SLC25A13: variants seen among roughly 807,000 people sequenced by gnomAD.
The protein encoded by SLC25A13 is electrogenic aspartate/glutamate antiporter SLC25A13, mitochondrial.
SLC25A13 carries 70 observed loss-of-function variants against 85.5 expected under a neutral mutation model. The ratio of observed to expected loss-of-function variants is 0.82; its 90% CI spans 0.68 to 1.00. SLC25A13 has a LOEUF of 1.00. SLC25A13 is among the 50% of genes least tolerant of loss of function. SLC25A13 has a pLI of 0.00. For missense variants in SLC25A13, 765 were observed against 819.8 expected, an observed-to-expected ratio of 0.93 and a Z score of 0.82; for synonymous variants, 259 against 288.7, an observed-to-expected ratio of 0.90 and a Z score of 1.04.
At chr7:96,214,198 C>A (rs1795801227) in intron 4 of SLC25A13, among the ~76,000 whole-genome samples, 1 of 152,076 alleles carries the variant, frequency 6.6e-6, no homozygotes, top group Non-Finnish European at 1.5e-5. Context: ...AAAAAGTCAA[C>A]CTATTTCTCC....
At chr7:96,168,803 C>T (rs905184437) in intron 13 of SLC25A13, among the ~76,000 whole-genome samples, 1 of 152,100 alleles carries the variant, frequency 6.6e-6, no homozygotes, top group Non-Finnish European at 1.5e-5. Context: ...CCTGCAACAA[C>T]CTGAAGGACT....
intron 1 of SLC25A13, among the ~76,000 whole-genome samples, chr7:96,298,241 C>A (rs1347644910): frequency 6.6e-6 from 1 of 152,166 alleles, no homozygotes; most frequent in East Asian, 1.9e-4. Flanking sequence ...AGTTCTCTGT[C>A]TCTAAATATG....
chr7:96,279,142 C>T (rs775336829), intron 2 of SLC25A13, among the ~76,000 whole-genome samples: 1 of 152,174 alleles, frequency 6.6e-6, no homozygotes, highest in Non-Finnish European at 1.5e-5. Flanking sequence ...CTTATTATCA[C>T]ACTGCTCTCC....
chr7:96,184,481 C>A, intron 10 of SLC25A13, 46 bp from the exon 11 acceptor site: 1 of 1,577,446 alleles, frequency 6.3e-7, no homozygotes, highest in South Asian at 1.1e-5. Context: ...TAAGATAGGT[C>A]AGAAGAAAGA....
In SLC25A13 at chr7:96,163,616, T is replaced by A. The variant is rs892072145; in HGVS notation, c.1311+6429A>T. ...AATGATGGAGAAACACTGAGATCAT[T>A]CCTGTTAGGAGGAAAGCCTTGGAAC... is the stretch of plus-strand genomic sequence containing the variant. On this transcript the variant is annotated intron_variant, in intron 13 of 17. Coordinates refer to ENST00000265631, the MANE Select transcript of SLC25A13 (RefSeq NM_014251.3). Among the ~76,000 whole-genome samples, 3 of 152,190 alleles carry A rather than the reference T, an allele frequency of 2.0e-5. No individual in the cohort carries two copies. The South Asian group carries it at 6.2e-4, about 31-fold the overall frequency.
intron 3 of SLC25A13, among the ~76,000 whole-genome samples, chr7:96,249,595 C>G (rs966947043): frequency 1.3e-5 from 2 of 152,182 alleles, no homozygotes; most frequent in Non-Finnish European, 2.9e-5. Flanking sequence ...CCATTCTATG[C>G]CATCCTATCT....
chr7:96,230,409 G>C (rs957530554), intron 4 of SLC25A13, among the ~76,000 whole-genome samples: 1 of 152,210 alleles, frequency 6.6e-6, no homozygotes, highest in African/African-American at 2.4e-5. Flanking sequence ...AGATGTAAAA[G>C]TTCAGAAAGA....
In SLC25A13 at chr7:96,191,211, A is replaced by G. The variant is rs748471758; in HGVS notation, c.652T>C (p.Ser218Pro). 1 of 1,614,094 alleles carries G rather than the reference A, an allele frequency of 6.2e-7. No individual in the cohort carries two copies. The highest frequency in any genetic ancestry group is 1.3e-5 in the African/African-American group (1 of 75,044). ...GGTTSHQVSF[S>P]YFNGFNSLLN... Reference sequence around the variant, plus strand: ...AGCGAATTAAATCCATTAAAATAGGAGAAACTAACTTGATGGGATGTGGTA... The same window carrying G: ...AGCGAATTAAATCCATTAAAATAGGGGAAACTAACTTGATGGGATGTGGTA... Residue 218 changes from serine to proline, a missense_variant, in exon 7 of 18, where the codon TCC becomes CCC. Ser to Pro is a moderately conservative substitution (Grantham distance 74, BLOSUM62 -1). Transcript: ENST00000265631.
intron 13 of SLC25A13, among the ~76,000 whole-genome samples, chr7:96,147,986 AT>A (rs1465783654): frequency 6.6e-6 from 1 of 151,616 alleles, no homozygotes; most frequent in Non-Finnish European, 1.5e-5. Context: ...TGTGACTTCC[AT>A]AAAGAAAAAT....
Position 96,317,640 on chromosome 7 carries a change from T to C in SLC25A13, c.15+4302A>G, listed in dbSNP as rs1235036448. The stretch of plus-strand genomic sequence containing the variant: ...AAGACTTCCCTCATCTCCTCAGAAA[T>C]GGGCTCTTCTCCTACTGCTCCCACA... On this transcript the variant is annotated intron_variant, in intron 1 of 17. Transcript: ENST00000265631. Among the ~76,000 whole-genome samples, 9 of 152,006 alleles carry C rather than the reference T, an allele frequency of 5.9e-5. No individual in the cohort carries two copies. In the East Asian group the frequency reaches 1.7e-3, roughly 29 times the overall value.
intron 13 of SLC25A13, among the ~76,000 whole-genome samples, chr7:96,150,644 G>C (rs1168510539): frequency 1.3e-5 from 2 of 152,038 alleles, no homozygotes; most frequent in East Asian, 3.9e-4. Flanking sequence ...TACAAGAAGA[G>C]AAAACTGAGA....
intron 5 of SLC25A13, among the ~76,000 whole-genome samples, chr7:96,205,356 C>T (rs1425113695): frequency 1.3e-5 from 2 of 152,202 alleles, no homozygotes; most frequent in South Asian, 2.1e-4. Flanking sequence ...TGGGAGTAGA[C>T]ATACGTGGAG....
chr7:96,139,945 C>CTTTTTTTTTT lies in SLC25A13; in HGVS notation c.1452+6601_1452+6610dup, dbSNP rs59749381. Among the ~76,000 whole-genome samples, 4 of 86,364 alleles carry CTTTTTTTTTT rather than the reference C, an allele frequency of 4.6e-5. 1 individual carries two copies. The highest frequency in any genetic ancestry group is 9.0e-5 in the African/African-American group (2 of 22,290). 56.7% of individuals were successfully genotyped at this position (86,364 alleles called of 152,430 possible). Reference sequence around the variant, plus strand: ...CTCCTTCAGATATCTGATTTCCATTCTTTTTTTTTTTTTTTTTTTTTTTTT... The same window carrying CTTTTTTTTTT: ...CTCCTTCAGATATCTGATTTCCATTCTTTTTTTTTTTTTTTTTTTTTTTTTTTTTTTTTTT... On this transcript the variant is annotated intron_variant, in intron 14 of 17. Transcript: ENST00000265631.
At chr7:96,248,163 A>G (rs550361500) in intron 3 of SLC25A13, among the ~76,000 whole-genome samples, 3 of 152,278 alleles carry the variant, frequency 2.0e-5, no homozygotes, top group South Asian at 2.1e-4. Flanking sequence ...AATTCAGCCT[A>G]TAAGCAATCA....
chr7:96,287,876 C>T, intron 2 of SLC25A13, among the ~76,000 whole-genome samples: 1 of 152,220 alleles, frequency 6.6e-6, no homozygotes, highest in East Asian at 1.9e-4. Flanking sequence ...GAGCTACTTT[C>T]CATTTTGATA....
At chr7:96,313,746 C>T (rs1033007736) in intron 1 of SLC25A13, among the ~76,000 whole-genome samples, 43 of 152,022 alleles carry the variant, frequency 2.8e-4, no homozygotes, top group African/African-American at 9.9e-4. Flanking sequence ...GTACATGTAC[C>T]TCCGGAATCT....
chr7:96,189,392 A>C lies in SLC25A13; in HGVS notation c.849-14T>G. 1 of 1,612,044 alleles carries C rather than the reference A, an allele frequency of 6.2e-7. No homozygotes were observed. The highest frequency in any genetic ancestry group is 8.5e-7 in the Non-Finnish European group (1 of 1,178,094). On this transcript the variant is annotated splice_polypyrimidine_tract_variant and intron_variant, in intron 8 of 17. Transcript: ENST00000265631. ...AAGGTCATACGTCTGTAGGGGAAAA[A>C]CAAACACAAGCAACAAATATACCAA...
chr7:96,192,613 G>T (rs957757258), intron 6 of SLC25A13, among the ~76,000 whole-genome samples: 1 of 151,850 alleles, frequency 6.6e-6, no homozygotes, highest in Non-Finnish European at 1.5e-5. Context: ...ACACATACAC[G>T]GTGAAAGGGA....
intron 4 of SLC25A13, among the ~76,000 whole-genome samples, chr7:96,222,098 A>C (rs1473479826): frequency 6.6e-6 from 1 of 152,258 alleles, no homozygotes; most frequent in Admixed American, 6.5e-5. Flanking sequence ...TTAATAAATT[A>C]AAAGTTCCAG....
Sources: gnomAD v4.1 joint callset for allele counts (sites outside exome capture counted in the v4.1 genomes callset) on GRCh38, gnomAD v4.1.1 for gene constraint, MANE v1.5 for transcripts, NCBI Gene and HGNC (gene_info 2026-07-23, HGNC 2026-07-21) for gene names.